DIP2A: variants seen among roughly 807,000 people sequenced by gnomAD.
The protein encoded by DIP2A is disco-interacting protein 2 homolog A.
Under a neutral mutation model 177.4 loss-of-function variants are expected in DIP2A, and 85 were observed. The observed-to-expected ratio is 0.48, with a 90% confidence interval of 0.40 to 0.57. The LOEUF is 0.57. Among genes scored for constraint, DIP2A ranks in the 20% least tolerant of loss-of-function variants. The pLI is 0.00. For missense variants in DIP2A, 1,791 were observed against 2,100.2 expected, an observed-to-expected ratio of 0.85 and a Z score of 2.88; for synonymous variants, 886 against 881.8, an observed-to-expected ratio of 1.00 and a Z score of -0.08.
intron 9 of DIP2A, among the ~76,000 whole-genome samples, chr21:46,529,442 A>T (rs1388505840): frequency 6.6e-6 from 1 of 152,046 alleles, no homozygotes; most frequent in Non-Finnish European, 1.5e-5. Context: ...TCTACTAAAA[A>T]TACAAAAAAT....
chr21:46,558,522 C>T (rs2060553949), intron 32 of DIP2A, 129 bp downstream of exon 32: 2 of 877,266 alleles, frequency 2.3e-6, no homozygotes, highest in South Asian at 3.1e-5. Context: ...TTTGATATCT[C>T]ATTTCCATGT....
At chr21:46,505,551 G>A (rs951643046) in intron 6 of DIP2A, among the ~76,000 whole-genome samples, 2 of 152,206 alleles carry the variant, frequency 1.3e-5, no homozygotes, top group East Asian at 3.8e-4. Flanking sequence ...GGAGGTTGCA[G>A]TGAGCCAAGA....
At chr21:46,495,328 G>A (rs1393983515) in intron 3 of DIP2A, among the ~76,000 whole-genome samples, 2 of 147,812 alleles carry the variant, frequency 1.4e-5, no homozygotes, top group Admixed American at 6.8e-5. Context: ...GAGTGCAATG[G>A]CGTGATCTCG....
At chr21:46,494,855 G>T (rs1294572014) in intron 3 of DIP2A, among the ~76,000 whole-genome samples, 1 of 152,074 alleles carries the variant, frequency 6.6e-6, no homozygotes, top group Admixed American at 6.6e-5. Flanking sequence ...ACCATTTCCT[G>T]GTTGGCTGTT....
At chr21:46,463,269 T>G (rs1312302927) in intron 1 of DIP2A, 1 of 152,224 alleles carries the variant, frequency 6.6e-6, no homozygotes, top group African/African-American at 2.4e-5. Context: ...TTCCCAAACC[T>G]TTGTGCTTTG....
downstream of DIP2A, among the ~76,000 whole-genome samples, chr21:46,573,679 A>AAAAAAAAAAAAAAAAAC (rs2060979859): frequency 7.5e-6 from 1 of 133,668 alleles, no homozygotes; most frequent in African/African-American, 3.0e-5. Context: ...AAAAAAAAAA[A>AAAAAAAAAAAAAAAAAC]AAAAGATATT....
Position 46,514,616 on chromosome 21 carries a change from T to TC in DIP2A, c.1102+3003dup, listed in dbSNP as rs1491280003. ...TCCTTTCCAATACTTAAACTTTTAT[T>TC]CTTTTTTTTTTTTTTTTTTTTTTTG... is the stretch of plus-strand genomic sequence containing the variant. On this transcript the variant is annotated intron_variant, in intron 8 of 37. Transcript: ENST00000417564. 3.8e-4 allele frequency among the ~76,000 whole-genome samples: 52 copies of TC among 138,312 alleles called. 1 individual carries two copies. The highest frequency in any genetic ancestry group is 1.4e-3 in the African/African-American group (50 of 36,554). 90.7% of individuals were successfully genotyped at this position (138,312 alleles called of 152,430 possible).
intron 8 of DIP2A, among the ~76,000 whole-genome samples, chr21:46,523,710 T>C (rs186546886): frequency 6.6e-6 from 1 of 150,894 alleles, no homozygotes; most frequent in East Asian, 1.9e-4. Context: ...CATCCAATTC[T>C]GAGCTTGCAA....
rs1601444347 is a variant in DIP2A at position 46,485,489 on chromosome 21, C to T, written c.163+661C>T. On this transcript the variant is annotated intron_variant, in intron 2 of 37. Transcript: ENST00000417564. ...GCATGGTGCTGGCATAGTTCTTTAT[C>T]CATATATGAAACACATGACATTGGA... 2.0e-5 allele frequency among the ~76,000 whole-genome samples: 3 copies of T among 152,156 alleles called. No individual in the cohort carries two copies. In the East Asian group the frequency reaches 5.8e-4, roughly 29 times the overall value.
At position 46,537,217 on chromosome 21, in the gene DIP2A, C is replaced by G. The variant is rs1225389977; in HGVS notation, c.1643-7C>G. The G allele has an allele frequency of 6.2e-7, 1 of 1,614,004 alleles. No individual in the cohort carries two copies. ...TCAGTGGTGTCACCTTCTTTGTCCA[C>G]TTGCAGCTGAAACATTAACAAACGT... On this transcript the variant is annotated splice_polypyrimidine_tract_variant and splice_region_variant and intron_variant, in intron 13 of 37. Coordinates refer to ENST00000417564, the MANE Select transcript of DIP2A (RefSeq NM_015151.4). The surrounding 1 kb of genome is among the most constrained non-coding windows in gnomAD (Gnocchi z 4.1).
Position 46,556,701 on chromosome 21 carries a change from A to G in DIP2A, c.3499-238A>G. 2 of 497,674 alleles carry G rather than the reference A, an allele frequency of 4.0e-6. No homozygotes were observed. The highest frequency in any genetic ancestry group is 3.4e-5 in the South Asian group (1 of 29,312). 30.8% of individuals were successfully genotyped at this position (497,674 alleles called of 1,614,324 possible). A position where few individuals can be genotyped will look rare whatever the true frequency, so the allele number is the denominator to read the frequency against. ...CTGCCTCAAAAAAAAAAAAAAGAAA[A>G]AAATTTTAAAAATTCATTACCCTGA... On this transcript the variant is annotated intron_variant, in intron 29 of 37. Coordinates refer to ENST00000417564, the MANE Select transcript of DIP2A (RefSeq NM_015151.4). This position sits in a 1 kb window ranked among gnomAD's most constrained non-coding sequence, Gnocchi z 4.5.
At chr21:46,486,525 A>G (rs1230990736) in intron 2 of DIP2A, among the ~76,000 whole-genome samples, 1 of 152,244 alleles carries the variant, frequency 6.6e-6, no homozygotes, top group East Asian at 1.9e-4. Context: ...TAATAGCCAG[A>G]AAGTCTCCCA....
chr21:46,567,736 C>A lies in DIP2A; in HGVS notation c.*114C>A. The A allele has an allele frequency of 7.6e-7, 1 of 1,320,672 alleles. No individual in the cohort carries two copies. Among genetic ancestry groups the A allele is most frequent in the Non-Finnish European group, 1.0e-6 (1 of 979,366 alleles). The allele number at this position is 1,320,672 out of a possible 1,614,324, so 81.8% of individuals were successfully genotyped here. On this transcript the variant is annotated 3_prime_UTR_variant, in exon 38 of 38. Coordinates refer to ENST00000417564, the MANE Select transcript of DIP2A (RefSeq NM_015151.4). ...GGGACTCGCCCTTCCTGTGCTCTTACAGATCCCTCTCAACAATCCCCGCAT... is the reference window on the plus strand; with the variant it reads ...GGGACTCGCCCTTCCTGTGCTCTTAAAGATCCCTCTCAACAATCCCCGCAT...
intron 3 of DIP2A, 98 bp from the exon 4 acceptor site, chr21:46,496,890 T>A (rs1396728205): frequency 2.3e-6 from 3 of 1,292,068 alleles, no homozygotes; most frequent in Middle Eastern, 1.9e-4. Context: ...TTCTATTCCT[T>A]TTACCCCCAC....
chr21:46,490,151 G>A (rs189031024), intron 2 of DIP2A, among the ~76,000 whole-genome samples: 61 of 152,330 alleles, frequency 4.0e-4, no homozygotes, highest in Non-Finnish European at 7.5e-4. Context: ...GCTACTGGTG[G>A]ACCCCAGTGG....
At chr21:46,486,724 A>G (rs1271118059) in intron 2 of DIP2A, among the ~76,000 whole-genome samples, 2 of 152,236 alleles carry the variant, frequency 1.3e-5, no homozygotes, top group Non-Finnish European at 2.9e-5. Context: ...GCAGGCAGCT[A>G]GTATTACATA....
chr21:46,537,765 TTGG>T lies in DIP2A; in HGVS notation c.1801+230_1801+232del, dbSNP rs1196423364. On this transcript the variant is annotated intron_variant, in intron 15 of 37. Transcript: ENST00000417564. The surrounding 1 kb of genome is among the most constrained non-coding windows in gnomAD (Gnocchi z 4.1). The stretch of plus-strand genomic sequence containing the variant: ...TGGGTGATGTGGTAAGTAGGGCCAC[TTGG>T]TGGGGTCTGGGCCTTACTTCTCTCA... Among the ~76,000 whole-genome samples the T allele has an allele frequency of 1.3e-5, 2 of 152,166 alleles. No homozygotes were observed. The highest frequency in any genetic ancestry group is 2.9e-5 in the Non-Finnish European group (2 of 68,022).
chr21:46,486,912 C>G, intron 2 of DIP2A, among the ~76,000 whole-genome samples: 1 of 152,238 alleles, frequency 6.6e-6, no homozygotes, highest in South Asian at 2.1e-4. Context: ...CATGCATCAG[C>G]AAGAATGAAT....
chr21:46,556,697 GAAAA>G lies in DIP2A; in HGVS notation c.3499-238_3499-235del. The G allele has an allele frequency of 2.3e-6, 1 of 436,724 alleles. No individual in the cohort carries two copies. The highest frequency in any genetic ancestry group is 4.0e-6 in the Non-Finnish European group (1 of 248,062). 27.1% of individuals were successfully genotyped at this position (436,724 alleles called of 1,614,324 possible). ...GACTCTGCCTCAAAAAAAAAAAAAA[GAAAA>G]AAATTTTAAAAATTCATTACCCTGA... On this transcript the variant is annotated intron_variant, in intron 29 of 37. Coordinates refer to ENST00000417564, the MANE Select transcript of DIP2A (RefSeq NM_015151.4). This position sits in a 1 kb window ranked among gnomAD's most constrained non-coding sequence, Gnocchi z 4.5.
Sources: gnomAD v4.1 joint callset for allele counts (sites outside exome capture counted in the v4.1 genomes callset) on GRCh38, gnomAD v4.1.1 for gene constraint, Gnocchi (gnomAD v3.1) non-coding constraint, MANE v1.5 for transcripts, NCBI Gene and HGNC (gene_info 2026-07-23, HGNC 2026-07-21) for gene names.